The following MATN3 variants were observed in gnomAD, a reference collection of about 807,000 sequenced individuals.
MATN3 encodes matrilin-3.
MATN3 carries 48 observed loss-of-function variants against 45.3 expected under a neutral mutation model. The observed-to-expected ratio is 1.06, with a 90% CI of 0.84 to 1.35. The LOEUF is 1.35. MATN3 is among the 40% of genes most tolerant of loss of function. The pLI, the probability that MATN3 is intolerant of heterozygous loss-of-function variation, is 0.00. For synonymous variants in MATN3, 217 were observed against 245.9 expected, an observed-to-expected ratio of 0.88 and a Z score of 1.10; for missense variants, 599 against 628.0, an observed-to-expected ratio of 0.95 and a Z score of 0.49.
At chr2:19,998,345 G>T (rs1183219644) in intron 5 of MATN3, among the ~76,000 whole-genome samples, 1 of 152,076 alleles carries the variant, frequency 6.6e-6, no homozygotes, top group Non-Finnish European at 1.5e-5. Context: ...CTTATTTGGG[G>T]CTCCACATTT....
chr2:20,000,214 C>G (rs1030076454), intron 5 of MATN3, among the ~76,000 whole-genome samples: 2 of 152,164 alleles, frequency 1.3e-5, no homozygotes, highest in Non-Finnish European at 2.9e-5. Context: ...GTTAGTTTTT[C>G]TCATATCCCC....
intron 7 of MATN3, 151 bp downstream of exon 7, chr2:19,994,148 C>T (rs1672815118): frequency 3.5e-6 from 2 of 577,080 alleles, no homozygotes; most frequent in Non-Finnish European, 6.2e-6. Context: ...TAGAAAAGAA[C>T]TCTAAATTTT....
chr2:20,000,836 A>G (rs930101190), intron 4 of MATN3, among the ~76,000 whole-genome samples: 3 of 152,222 alleles, frequency 2.0e-5, no homozygotes, highest in African/African-American at 7.2e-5. Context: ...AATACTTTCT[A>G]GCATTCCTTT....
chr2:20,009,282 AAAC>A (rs1673171700), intron 1 of MATN3, among the ~76,000 whole-genome samples: 1 of 151,708 alleles, frequency 6.6e-6, no homozygotes, highest in African/African-American at 2.4e-5. Context: ...AAAAAAAAAA[AAAC>A]AACTCCAGCA....
intron 5 of MATN3, among the ~76,000 whole-genome samples, chr2:19,999,530 C>T (rs1363518311): frequency 6.6e-6 from 1 of 150,872 alleles, no homozygotes; most frequent in African/African-American, 2.4e-5. Flanking sequence ...TTAACTTGCT[C>T]AGAGGCAGAA....
At chr2:20,003,677 G>A (rs1169943274) in intron 2 of MATN3, among the ~76,000 whole-genome samples, 2 of 152,178 alleles carry the variant, frequency 1.3e-5, no homozygotes, top group African/African-American at 4.8e-5. Flanking sequence ...GAAGTGACGT[G>A]AGCTAGTTGT....
In MATN3 at chr2:19,994,317, G is replaced by A; in HGVS notation, c.1387C>T (p.Gln463Ter). 6.2e-7 allele frequency: 1 copy of A among 1,612,282 alleles called. No homozygotes were observed. The highest frequency in any genetic ancestry group is 8.5e-7 in the Non-Finnish European group (1 of 1,178,588). The change falls in exon 7 of 8, where the codon CAA becomes TAA. Residue 463 changes from glutamine (Q) to a stop codon, truncating the protein, a stop_gained. Coordinates refer to ENST00000407540, the MANE Select transcript of MATN3 (RefSeq NM_002381.5). LOFTEE classifies it high-confidence loss of function. ...AFQDKVSSYL[Q>*]RLNTKLDDIL... ...AGGATATGTTTAGTGTTCAGTCTTT[G>A]AAGATACGAGCTGACCTTGTCCTGG...
chr2:20,006,254 C>T lies in MATN3; in HGVS notation c.280G>A (p.Val94Ile), dbSNP rs1251267503. ...ACTTTGGTGAATTCCAGGGGCCGTACGCTACGAGAACTATCAATGATAAAC... is the reference window on the plus strand; with the variant it reads ...ACTTTGGTGAATTCCAGGGGCCGTATGCTACGAGAACTATCAATGATAAAC... Reference protein sequence around the residue: ...LVFIIDSSRSVRPLEFTKVKT... With the variant: ...LVFIIDSSRSIRPLEFTKVKT... Residue 94 changes from valine to isoleucine, a missense_variant, in exon 2 of 8, where the codon GTA (valine) becomes ATA (isoleucine). Physicochemically the swap from Val to Ile is conservative, Grantham distance 29 (BLOSUM62 3). Coordinates refer to ENST00000407540, the MANE Select transcript of MATN3 (RefSeq NM_002381.5). 2.5e-6 allele frequency: 4 copies of T among 1,607,486 alleles called. No homozygotes were observed. The highest frequency in any genetic ancestry group is 1.3e-5 in the African/African-American group (1 of 74,844).
Position 20,005,902 on chromosome 2 carries a change from T to C in MATN3, c.632A>G (p.Gln211Arg), listed in dbSNP as rs1179435658. The change falls in exon 2 of 8, where the codon CAA becomes CGA. Residue 211 changes from glutamine (Q) to arginine (R), a missense_variant. Physicochemically the swap from Gln to Arg is conservative, Grantham distance 43. Transcript: ENST00000407540. ...DQVNEVAARA[Q>R]ASGIELYAVG... ...AGCATAGAGCTCAATACCAGATGCT[T>C]GGGCCCGAGCCGCCACCTCATTCAC... 1 of 1,610,498 alleles carries C rather than the reference T, an allele frequency of 6.2e-7. No homozygotes were observed. Among genetic ancestry groups the C allele is most frequent in the Non-Finnish European group, 8.5e-7 (1 of 1,178,476 alleles).
chr2:19,998,342 G>A (rs543613772), intron 5 of MATN3, among the ~76,000 whole-genome samples: 2 of 152,026 alleles, frequency 1.3e-5, no homozygotes, highest in Non-Finnish European at 1.5e-5. Flanking sequence ...GCCCTTATTT[G>A]GGGCTCCACA....
rs145955749 is a variant in MATN3 at position 20,006,845 on chromosome 2, C to T, written c.224-535G>A. Among the ~76,000 whole-genome samples the T allele has an allele frequency of 8.5e-5, 13 of 152,290 alleles. No individual in the cohort carries two copies. The East Asian group carries it at 2.3e-3, about 27-fold the overall frequency. ...ACTTCCAAGGGGCTGAAAACTGCTC[C>T]AGAGTATCCCTGAATTCTCCCTCCA... On this transcript the variant is annotated intron_variant, in intron 1 of 7. Transcript: ENST00000407540.
At position 20,008,250 on chromosome 2, in the gene MATN3, A is replaced by G. The variant is rs553140102; in HGVS notation, c.224-1940T>C. 5.1e-4 allele frequency among the ~76,000 whole-genome samples: 78 copies of G among 152,318 alleles called. No homozygotes were observed. In the Middle Eastern group the frequency reaches 0.01, roughly 20 times the overall value. ...AGTGCTGGGATTATAGGTGTGAGCC[A>G]CTGTGCCCAGCCCTAAACTTCTTTT... is the stretch of plus-strand genomic sequence containing the variant. On this transcript the variant is annotated intron_variant, in intron 1 of 7. Transcript: ENST00000407540.
At chr2:19,994,588 A>C (rs1455530994) in intron 6 of MATN3, among the ~76,000 whole-genome samples, 179 bp from the exon 7 acceptor site, 1 of 152,246 alleles carries the variant, frequency 6.6e-6, no homozygotes, top group Non-Finnish European at 1.5e-5. Context: ...TCACAGAAAA[A>C]TTCATCTTAG....
Position 19,994,200 on chromosome 2 carries a change from A to G in MATN3, c.1405+99T>C. Reference sequence around the variant, plus strand: ...CCACTGCTCATATTAAAACCTAACAAATAAGTCACTTGCCTGTGGAATGTC... The same window carrying G: ...CCACTGCTCATATTAAAACCTAACAGATAAGTCACTTGCCTGTGGAATGTC... On this transcript the variant is annotated intron_variant, in intron 7 of 7. Transcript: ENST00000407540. 3 of 714,094 alleles carry G rather than the reference A, an allele frequency of 4.2e-6. No homozygotes were observed. The South Asian group carries it at 5.3e-5, about 13-fold the overall frequency. The allele number at this position is 714,094 out of a possible 1,614,324, so 44.2% of individuals were successfully genotyped here. A position where few individuals can be genotyped will look rare whatever the true frequency, so the allele number is the denominator to read the frequency against.
intron 7 of MATN3, among the ~76,000 whole-genome samples, 199 bp from the exon 8 acceptor site, chr2:19,993,365 C>T (rs1045354675): frequency 6.6e-6 from 1 of 152,106 alleles, no homozygotes; most frequent in African/African-American, 2.4e-5. Flanking sequence ...AAAGTAGACC[C>T]CTGCAGTGGT....
chr2:19,993,065 A>T lies in MATN3; in HGVS notation c.*46T>A. 1 of 1,479,486 alleles carries T rather than the reference A, an allele frequency of 6.8e-7. No individual in the cohort carries two copies. Among genetic ancestry groups the T allele is most frequent in the Non-Finnish European group, 9.5e-7 (1 of 1,057,918 alleles). The allele number at this position is 1,479,486 out of a possible 1,614,324, so 91.6% of individuals were successfully genotyped here. A position where few individuals can be genotyped will look rare whatever the true frequency, so the allele number is the denominator to read the frequency against. On this transcript the variant is annotated 3_prime_UTR_variant, in exon 8 of 8. Coordinates refer to ENST00000407540, the MANE Select transcript of MATN3 (RefSeq NM_002381.5). The stretch of plus-strand genomic sequence containing the variant: ...GTGTGCAAAAGAATGCATGAGTATT[A>T]AGTACACCAAGCTGTCCACATTTTC...
chr2:20,005,911 G>A lies in MATN3; in HGVS notation c.623C>T (p.Ala208Val), dbSNP rs1673093805. The A allele has an allele frequency of 1.2e-6, 2 of 1,612,446 alleles. No homozygotes were observed. The highest frequency in any genetic ancestry group is 8.5e-7 in the Non-Finnish European group (1 of 1,179,274). ...CTCAATACCAGATGCTTGGGCCCGAGCCGCCACCTCATTCACCTGGTCCTG... is the reference window on the plus strand; with the variant it reads ...CTCAATACCAGATGCTTGGGCCCGAACCGCCACCTCATTCACCTGGTCCTG... ...RPQDQVNEVA[A>V]RAQASGIELY... is the part of the protein sequence containing the mutation. Residue 208 changes from alanine to valine, a missense_variant, in exon 2 of 8, where the codon GCT (alanine) becomes GTT (valine). Ala to Val is a moderately conservative substitution (Grantham distance 64). Transcript: ENST00000407540.
intron 1 of MATN3, among the ~76,000 whole-genome samples, chr2:20,010,067 T>TAAAAACAAAAA (rs1673188875): frequency 2.9e-5 from 2 of 68,706 alleles, no homozygotes; most frequent in Non-Finnish European, 4.9e-5. Flanking sequence ...CTTCAAATAC[T>TAAAAACAAAAA]AAAAAAAAAA....
intron 7 of MATN3, among the ~76,000 whole-genome samples, chr2:19,993,704 C>A (rs1393062552): frequency 6.6e-6 from 1 of 152,164 alleles, no homozygotes; most frequent in Non-Finnish European, 1.5e-5. Flanking sequence ...CCTTAAAAGT[C>A]TCTACATACG....
Sources: allele counts gnomAD v4.1 joint callset (sites outside exome capture counted in the v4.1 genomes callset), GRCh38; gene constraint gnomAD v4.1.1; transcripts MANE v1.5; gene names NCBI Gene and HGNC (gene_info 2026-07-23, HGNC 2026-07-21).